Variants in OPRM1 observed in about 807,000 individuals in gnomAD.
OPRM1 encodes mu-type opioid receptor.
A neutral mutation model predicts 31.8 loss-of-function variants in OPRM1; 27 were observed. That is an observed-to-expected ratio of 0.85 (90% CI 0.63 to 1.17). OPRM1 has a LOEUF of 1.17. Ranked by LOEUF, OPRM1 falls within the 50% of genes most tolerant of loss-of-function variation. OPRM1 has a pLI of 0.00. For synonymous variants in OPRM1, 196 were observed against 189.9 expected (o/e 1.03, Z -0.26); for missense variants, 536 against 511.1 (o/e 1.05, Z -0.47).
chr6:154,208,776 T>A (rs964649513), intron 3 of OPRM1, among the ~76,000 whole-genome samples: 11 of 152,228 alleles, frequency 7.2e-5, no homozygotes, highest in African/African-American at 2.4e-4. Context: ...AGATTTGAAA[T>A]AGAAAGTTGG....
chr6:154,055,320 G>A (rs1300172393), intron 1 of OPRM1, among the ~76,000 whole-genome samples: 1 of 152,032 alleles, frequency 6.6e-6, no homozygotes, highest in Non-Finnish European at 1.5e-5. Flanking sequence ...CCTGAGAGGT[G>A]AAGGTTGCAG....
At chr6:154,078,337 A>G (rs892583889) in intron 1 of OPRM1, among the ~76,000 whole-genome samples, 1 of 152,194 alleles carries the variant, frequency 6.6e-6, no homozygotes, top group African/African-American at 2.4e-5. Context: ...TAAAAATAAT[A>G]TCCATTGCAT....
At chr6:154,039,202 C>T, upstream of OPRM1, 1 of 1,551,736 alleles carries the variant, frequency 6.4e-7, no homozygotes, top group Admixed American at 2.0e-5. Context: ...AGACCTACTC[C>T]TTGGATCGCT....
In OPRM1 at chr6:154,132,216, T is replaced by C. The variant is rs1049640891; in HGVS notation, c.*13495T>C. Among the ~76,000 whole-genome samples, 2 of 152,206 alleles carry C rather than the reference T, an allele frequency of 1.3e-5. No individual in the cohort carries two copies. The highest frequency in any genetic ancestry group is 2.9e-5 in the Non-Finnish European group (2 of 68,026). On this transcript the variant is annotated 3_prime_UTR_variant, in exon 4 of 4. Coordinates refer to ENST00000330432, the MANE Select transcript of OPRM1 (RefSeq NM_000914.5). ...TATTTGACTGTTTCAGATAGTTGTA[T>C]ATAAAAAATATAAATTTTTGCATTG...
intron 3 of OPRM1, among the ~76,000 whole-genome samples, chr6:154,232,270 A>C (rs2128627708): frequency 6.6e-6 from 1 of 152,364 alleles, no homozygotes; most frequent in South Asian, 2.1e-4. Flanking sequence ...AAGAAAGAAA[A>C]AATGTCTGTG....
intron 3 of OPRM1, among the ~76,000 whole-genome samples, chr6:154,100,158 C>CATATCATAATATATATTATCATAT (rs753395267): frequency 5.2e-5 from 1 of 19,186 alleles, no homozygotes; most frequent in Admixed American, 7.6e-4. Flanking sequence ...CATATTATGA[C>CATATCATAATATATATTATCATAT]GTATCATAAT....
chr6:154,088,611 T>A (rs1791229033), intron 1 of OPRM1, among the ~76,000 whole-genome samples: 1 of 152,226 alleles, frequency 6.6e-6, no homozygotes, highest in African/African-American at 2.4e-5. Flanking sequence ...TCTCTGATCT[T>A]AATTATGGTG....
At chr6:154,110,886 C>CAAA (rs374739553) in intron 3 of OPRM1, among the ~76,000 whole-genome samples, 753 of 63,550 alleles carry the variant, frequency 0.012, 59 homozygotes, top group African/African-American at 0.039. Flanking sequence ...GACTCCGTCT[C>CAAA]AAAAAAAAAA....
chr6:154,159,387 CAA>C, intron 3 of OPRM1: 1 of 175,566 alleles, frequency 5.7e-6, no homozygotes. Context: ...TTCCTCCACT[CAA>C]ACAGTGATTT....
At chr6:154,102,091 C>T (rs1229072705) in intron 3 of OPRM1, among the ~76,000 whole-genome samples, 1 of 152,070 alleles carries the variant, frequency 6.6e-6, no homozygotes, top group Non-Finnish European at 1.5e-5. Context: ...GGGCACACAC[C>T]ATCACACCAT....
At chr6:154,211,981 C>T (rs1777998081) in intron 3 of OPRM1, among the ~76,000 whole-genome samples, 2 of 152,108 alleles carry the variant, frequency 1.3e-5, no homozygotes, top group Admixed American at 6.5e-5. Flanking sequence ...AGGTGCTTGG[C>T]CTCATTAAAT....
chr6:154,148,409 C>T (rs1798412616), intron 3 of OPRM1, among the ~76,000 whole-genome samples: 1 of 152,188 alleles, frequency 6.6e-6, no homozygotes, highest in Admixed American at 6.5e-5. Flanking sequence ...GCAAGCCATC[C>T]AGCAGCAGCA....
intron 3 of OPRM1, among the ~76,000 whole-genome samples, chr6:154,232,400 C>T (rs1271725997): frequency 2.0e-5 from 3 of 152,168 alleles, no homozygotes; most frequent in Non-Finnish European, 4.4e-5. Context: ...GAGCGCTAAG[C>T]ATATGCCAGT....
downstream of OPRM1, among the ~76,000 whole-genome samples, chr6:154,132,734 A>G (rs1476645376): frequency 6.6e-6 from 1 of 152,234 alleles, no homozygotes; most frequent in Non-Finnish European, 1.5e-5. Flanking sequence ...TGCAAGAAAC[A>G]AAGAGTTTGA....
At chr6:154,147,124 A>G (rs1402715742) in intron 3 of OPRM1, among the ~76,000 whole-genome samples, 1 of 152,176 alleles carries the variant, frequency 6.6e-6, no homozygotes, top group Non-Finnish European at 1.5e-5. Flanking sequence ...AGCAGCTGCT[A>G]TTCAACCAGA....
chr6:154,025,348 C>T (rs1462119258), intron 1 of OPRM1, among the ~76,000 whole-genome samples: 1 of 151,884 alleles, frequency 6.6e-6, no homozygotes, highest in Non-Finnish European at 1.5e-5. Flanking sequence ...GTTACTCCTG[C>T]TCTTTTTTGG....
chr6:154,206,067 A>G (rs2128598581), intron 3 of OPRM1, among the ~76,000 whole-genome samples: 1 of 152,218 alleles, frequency 6.6e-6, no homozygotes, highest in African/African-American at 2.4e-5. Context: ...TCTTCATGGC[A>G]CCCCCATATT....
At position 154,118,927 on chromosome 6, in the gene OPRM1, T is replaced by G. The variant is rs141106461; in HGVS notation, c.*206T>G. 7.3e-7 allele frequency: 1 copy of G among 1,361,664 alleles called. No individual in the cohort carries two copies. Among genetic ancestry groups the G allele is most frequent in the Non-Finnish European group, 9.4e-7 (1 of 1,059,714 alleles). The allele number at this position is 1,361,664 out of a possible 1,614,324, so 84.3% of individuals were successfully genotyped here. A position where few individuals can be genotyped will look rare whatever the true frequency, so the allele number is the denominator to read the frequency against. On this transcript the variant is annotated 3_prime_UTR_variant, in exon 4 of 4. Coordinates refer to ENST00000330432, the MANE Select transcript of OPRM1 (RefSeq NM_000914.5). Reference sequence around the variant, plus strand: ...AGTGGAGCATTTGGAAGGAAAGGAATATACCACACCGAGGAGTCCAGTTTG... The same window carrying G: ...AGTGGAGCATTTGGAAGGAAAGGAAGATACCACACCGAGGAGTCCAGTTTG...
chr6:154,088,210 A>G (rs1791125660), intron 1 of OPRM1, among the ~76,000 whole-genome samples: 1 of 152,202 alleles, frequency 6.6e-6, no homozygotes, highest in Admixed American at 6.5e-5. Flanking sequence ...GAAGCAGCAC[A>G]AAAAAAGAGT....
Sources: gnomAD v4.1 joint callset for allele counts (sites outside exome capture counted in the v4.1 genomes callset) on GRCh38, gnomAD v4.1.1 for gene constraint, MANE v1.5 for transcripts, NCBI Gene and HGNC (gene_info 2026-07-23, HGNC 2026-07-21) for gene names.